DOCK4: variants seen among roughly 807,000 people sequenced by gnomAD.
DOCK4 encodes dedicator of cytokinesis protein 4.
A neutral mutation model predicts 268.1 loss-of-function variants in DOCK4; 97 were observed. That is an observed-to-expected ratio of 0.36 (90% CI 0.31 to 0.43). The LOEUF (loss-of-function observed/expected upper bound fraction) is 0.43. Ranked by LOEUF, DOCK4 falls within the 20% of genes least tolerant of loss-of-function variation. DOCK4 has a pLI of 1.00. For missense variants in DOCK4, 2,145 were observed against 2,455.7 expected (o/e 0.87, Z 2.67); for synonymous variants, 954 against 887.2 (o/e 1.08, Z -1.34).
intron 9 of DOCK4, 92 bp from the exon 10 acceptor site, chr7:111,944,963 A>T: frequency 1.0e-6 from 1 of 969,720 alleles, no homozygotes; most frequent in Non-Finnish European, 1.7e-6. Flanking sequence ...GAAGAAAGAG[A>T]TGGACACAGA....
chr7:112,162,518 TCTC>T (rs1817222825), intron 1 of DOCK4, among the ~76,000 whole-genome samples: 2 of 149,750 alleles, frequency 1.3e-5, no homozygotes, highest in African/African-American at 5.0e-5. Flanking sequence ...TCTTTCTCTC[TCTC>T]TCTCTCTCTC....
chr7:112,164,126 A>C (rs1363690231), intron 1 of DOCK4, among the ~76,000 whole-genome samples: 2 of 151,948 alleles, frequency 1.3e-5, no homozygotes, highest in East Asian at 3.9e-4. Context: ...CTACCAAAAA[A>C]ATTTTTTTAA....
intron 3 of DOCK4, 99 bp from the exon 4 acceptor site, chr7:111,998,602 T>A (rs1167895563): frequency 1.5e-5 from 12 of 789,064 alleles, no homozygotes; most frequent in Middle Eastern, 4.8e-4. Context: ...CATGACAACA[T>A]CAGGAATAGG....
chr7:111,892,763 A>G (rs929733240), intron 16 of DOCK4, among the ~76,000 whole-genome samples: 2 of 152,240 alleles, frequency 1.3e-5, no homozygotes, highest in African/African-American at 2.4e-5. Context: ...TTATGCTGGT[A>G]ATATGGTTTC....
intron 17 of DOCK4, among the ~76,000 whole-genome samples, 167 bp downstream of exon 17, chr7:111,876,863 C>T (rs997709502): frequency 4.7e-5 from 7 of 149,460 alleles, no homozygotes; most frequent in African/African-American, 1.7e-4. Flanking sequence ...ATGCATTCAA[C>T]AGGTCACTGG....
intron 1 of DOCK4, among the ~76,000 whole-genome samples, chr7:112,202,484 C>T (rs1350687034): frequency 6.6e-6 from 1 of 150,792 alleles, no homozygotes; most frequent in African/African-American, 2.5e-5. Context: ...TTTTACACCA[C>T]AAAAATGGTA....
chr7:111,822,657 T>C (rs1426848933), intron 26 of DOCK4, among the ~76,000 whole-genome samples: 1 of 152,220 alleles, frequency 6.6e-6, no homozygotes, highest in African/African-American at 2.4e-5. Context: ...AAATGTTTTC[T>C]TTTCTTTCTT....
chr7:111,913,572 G>C (rs1311775593), intron 13 of DOCK4, among the ~76,000 whole-genome samples: 3 of 151,434 alleles, frequency 2.0e-5, no homozygotes, highest in South Asian at 2.1e-4. Flanking sequence ...ACCACGCCCG[G>C]CTAATTTTTT....
chr7:111,890,943 C>T (rs1036452566), intron 16 of DOCK4, among the ~76,000 whole-genome samples: 1 of 152,122 alleles, frequency 6.6e-6, no homozygotes, highest in Admixed American at 6.6e-5. Flanking sequence ...ACATTTTTAA[C>T]GCAGTTTTTT....
At chr7:111,848,878 T>G (rs560475398) in intron 23 of DOCK4, among the ~76,000 whole-genome samples, 1 of 152,300 alleles carries the variant, frequency 6.6e-6, no homozygotes, top group East Asian at 1.9e-4. Flanking sequence ...AAAGGTAAAG[T>G]GCTCTGGATT....
At chr7:111,987,305 C>T (rs1262792853) in intron 6 of DOCK4, among the ~76,000 whole-genome samples, 1 of 152,134 alleles carries the variant, frequency 6.6e-6, no homozygotes, top group Non-Finnish European at 1.5e-5. Context: ...TTTCATTCTG[C>T]CATCATTTTC....
chr7:112,007,318 G>GGAAT (rs72228459), intron 1 of DOCK4, among the ~76,000 whole-genome samples: 2,265 of 151,850 alleles, frequency 0.015, 13 homozygotes, highest in Non-Finnish European at 0.019. Flanking sequence ...ACAAATACAT[G>GGAAT]GAATGAATGA....
At chr7:111,840,204 C>T (rs546257331) in intron 25 of DOCK4, among the ~76,000 whole-genome samples, 1 of 152,180 alleles carries the variant, frequency 6.6e-6, no homozygotes, top group Admixed American at 6.6e-5. Context: ...ACCTATTATA[C>T]ACATACATTA....
At chr7:111,975,493 A>C (rs1260467017) in intron 8 of DOCK4, among the ~76,000 whole-genome samples, 1 of 152,214 alleles carries the variant, frequency 6.6e-6, no homozygotes, top group Non-Finnish European at 1.5e-5. Context: ...CTAAAGTCTA[A>C]CTTGGATCAG....
intron 1 of DOCK4, among the ~76,000 whole-genome samples, chr7:112,145,390 T>C (rs376615544): frequency 6.6e-5 from 10 of 152,206 alleles, no homozygotes; most frequent in African/African-American, 2.4e-4. Context: ...AACTCCCATA[T>C]GCTAGGCCTA....
At chr7:111,927,529 C>G (rs1793820226) in intron 12 of DOCK4, among the ~76,000 whole-genome samples, 1 of 152,156 alleles carries the variant, frequency 6.6e-6, no homozygotes, top group Non-Finnish European at 1.5e-5. Context: ...TCAACATTTC[C>G]TTTTTAACTA....
At chr7:112,098,936 A>T (rs1810412813) in intron 1 of DOCK4, among the ~76,000 whole-genome samples, 1 of 152,116 alleles carries the variant, frequency 6.6e-6, no homozygotes, top group African/African-American at 2.4e-5. Flanking sequence ...GCAAAGGAAA[A>T]GAAGTTTAAA....
intron 13 of DOCK4, among the ~76,000 whole-genome samples, chr7:111,913,804 C>T (rs1792354654): frequency 6.6e-6 from 1 of 151,472 alleles, no homozygotes; most frequent in Admixed American, 6.6e-5. Context: ...ATCACTTGAG[C>T]CCAGGAGTTT....
chr7:112,110,099 C>T (rs1811516818), intron 1 of DOCK4, among the ~76,000 whole-genome samples: 1 of 152,098 alleles, frequency 6.6e-6, no homozygotes, highest in Non-Finnish European at 1.5e-5. Context: ...TTGTGGATGC[C>T]CTCTCAGAGA....
Sources: allele counts gnomAD v4.1 joint callset (sites outside exome capture counted in the v4.1 genomes callset), GRCh38; gene constraint gnomAD v4.1.1; transcripts MANE v1.5; gene names NCBI Gene and HGNC (gene_info 2026-07-23, HGNC 2026-07-21).